Variants in WWOX observed in about 807,000 individuals in gnomAD.
WWOX encodes the protein WW domain containing oxidoreductase.
In WWOX, 69 loss-of-function variants were observed where a neutral mutation model predicts 46.2. The observed-to-expected ratio is 1.49, with a 90% CI of 1.23 to 1.82. The LOEUF is 1.82. WWOX is among the 40% of genes most tolerant of loss of function. The pLI, the probability that WWOX is intolerant of heterozygous loss-of-function variation, is 0.00. For synonymous variants in WWOX, 359 were observed against 202.6 expected, an observed-to-expected ratio of 1.77 and a Z score of -6.56; for missense variants, 919 against 542.6, an observed-to-expected ratio of 1.69 and a Z score of -6.89.
chr16:79,096,016 A>ATTTTTTTTTTTTTT (rs57621801), intron 8 of WWOX, among the ~76,000 whole-genome samples: 29 of 81,990 alleles, frequency 3.5e-4, no homozygotes, highest in East Asian at 1.3e-3. Flanking sequence ...CACCCGGATA[A>ATTTTTTTTTTTTTT]TTTTTTTTTT....
At chr16:78,765,685 A>C (rs1488536391) in intron 8 of WWOX, among the ~76,000 whole-genome samples, 1 of 152,158 alleles carries the variant, frequency 6.6e-6, no homozygotes, top group Non-Finnish European at 1.5e-5. Context: ...TCTAAAAAAA[A>C]AGAAGAGTTG....
At chr16:78,195,844 A>G (rs2036034888) in intron 5 of WWOX, among the ~76,000 whole-genome samples, 1 of 151,702 alleles carries the variant, frequency 6.6e-6, no homozygotes, top group Non-Finnish European at 1.5e-5. Flanking sequence ...AAAAAAAGAA[A>G]AAAAAAAGAT....
At chr16:78,326,842 T>C (rs1399201596) in intron 5 of WWOX, among the ~76,000 whole-genome samples, 2 of 152,156 alleles carry the variant, frequency 1.3e-5, no homozygotes, top group African/African-American at 4.8e-5. Flanking sequence ...GTTTCTCCAG[T>C]AAAGCTCAGT....
chr16:78,652,195 A>C (rs1223326490), intron 8 of WWOX, among the ~76,000 whole-genome samples: 1 of 151,720 alleles, frequency 6.6e-6, no homozygotes, highest in African/African-American at 2.4e-5. Flanking sequence ...GCAGATCACG[A>C]GGTCAAGAGA....
chr16:78,243,500 C>A (rs1487371011), intron 5 of WWOX, among the ~76,000 whole-genome samples: 1 of 151,934 alleles, frequency 6.6e-6, no homozygotes, highest in African/African-American at 2.4e-5. Flanking sequence ...CTTTTTCGGT[C>A]CTCTCCCTCC....
At chr16:78,783,944 C>T (rs2050393838) in intron 8 of WWOX, among the ~76,000 whole-genome samples, 3 of 150,900 alleles carry the variant, frequency 2.0e-5, no homozygotes, top group African/African-American at 7.3e-5. Context: ...GATGCTGGTG[C>T]TGTTGGTGAT....
intron 8 of WWOX, among the ~76,000 whole-genome samples, chr16:79,201,343 CT>C (rs5818210): frequency 0.62 from 89,355 of 143,576 alleles, 29,711 homozygotes; most frequent in East Asian, 0.86. Flanking sequence ...TTTTTCTTTT[CT>C]TTTTTTTTTT....
chr16:78,642,734 G>A (rs1337971586), intron 8 of WWOX, among the ~76,000 whole-genome samples: 4 of 152,118 alleles, frequency 2.6e-5, no homozygotes, highest in Admixed American at 2.0e-4. Flanking sequence ...GAGGCTGTGT[G>A]TGGGTGCACA....
At chr16:78,483,929 A>G (rs1371012886) in intron 8 of WWOX, among the ~76,000 whole-genome samples, 1 of 152,194 alleles carries the variant, frequency 6.6e-6, no homozygotes. Context: ...TGTGGCTGTG[A>G]CAGAACACGT....
intron 8 of WWOX, among the ~76,000 whole-genome samples, chr16:78,708,310 G>C (rs1018377391): frequency 2.0e-5 from 3 of 152,126 alleles, no homozygotes; most frequent in Non-Finnish European, 4.4e-5. Flanking sequence ...AATTTTCTTT[G>C]GGATATACTT....
intron 8 of WWOX, among the ~76,000 whole-genome samples, chr16:78,704,027 C>T (rs906749290): frequency 6.6e-6 from 1 of 152,176 alleles, no homozygotes; most frequent in Non-Finnish European, 1.5e-5. Context: ...AACCATCACC[C>T]CTATCCATCT....
intron 8 of WWOX, among the ~76,000 whole-genome samples, chr16:78,484,657 G>A (rs943289708): frequency 3.9e-5 from 6 of 152,080 alleles, no homozygotes; most frequent in Non-Finnish European, 7.4e-5. Context: ...TGGATGTGGG[G>A]CTTTAAAGGC....
At chr16:79,122,681 C>T (rs1567564693) in intron 8 of WWOX, among the ~76,000 whole-genome samples, 2 of 151,850 alleles carry the variant, frequency 1.3e-5, no homozygotes, top group African/African-American at 2.4e-5. Context: ...TGGGTCTGCT[C>T]GCAGGAAATA....
intron 5 of WWOX, among the ~76,000 whole-genome samples, chr16:78,375,856 T>C (rs2081809270): frequency 6.7e-6 from 1 of 149,726 alleles, no homozygotes; most frequent in East Asian, 1.9e-4. Context: ...TATAGGATTT[T>C]TTTTTTTTTT....
intron 8 of WWOX, among the ~76,000 whole-genome samples, chr16:78,536,743 AAGG>A (rs202107828): frequency 0.011 from 1,709 of 152,058 alleles, 29 homozygotes; most frequent in Middle Eastern, 0.044. Flanking sequence ...AATGATGACG[AAGG>A]AGGAGGAGGA....
chr16:78,936,771 A>C (rs1275355231), intron 8 of WWOX, among the ~76,000 whole-genome samples: 1 of 152,168 alleles, frequency 6.6e-6, no homozygotes, highest in Non-Finnish European at 1.5e-5. Flanking sequence ...AAGTAAAAAA[A>C]AAGTCAGTGC....
chr16:79,152,186 A>G (rs1212401653), intron 8 of WWOX, among the ~76,000 whole-genome samples: 1 of 152,034 alleles, frequency 6.6e-6, no homozygotes, highest in Non-Finnish European at 1.5e-5. Context: ...TCCCTCCCCC[A>G]CGCGAGGCGA....
intron 7 of WWOX, among the ~76,000 whole-genome samples, chr16:78,428,347 G>T (rs1236596530): frequency 6.6e-6 from 1 of 151,150 alleles, no homozygotes; most frequent in Non-Finnish European, 1.5e-5. Context: ...TTCTGGCTCA[G>T]ACAGATAAGA....
At chr16:78,598,809 C>G (rs1180172662) in intron 8 of WWOX, among the ~76,000 whole-genome samples, 1 of 152,090 alleles carries the variant, frequency 6.6e-6, no homozygotes, top group African/African-American at 2.4e-5. Context: ...CTTGGTGAGA[C>G]CTTATCTGGC....
Sources: gnomAD v4.1 joint callset for allele counts (sites outside exome capture counted in the v4.1 genomes callset) on GRCh38, gnomAD v4.1.1 for gene constraint, MANE v1.5 for transcripts, NCBI Gene and HGNC (gene_info 2026-07-23, HGNC 2026-07-21) for gene names.